The following UBE2Q2 variants were observed in gnomAD, a reference collection of about 807,000 sequenced individuals.
The protein encoded by UBE2Q2 is ubiquitin conjugating enzyme E2 Q2, also known as ubiquitin-conjugating enzyme E2 Q2.
A neutral mutation model predicts 59.9 loss-of-function variants in UBE2Q2; 54 were observed. That is an observed-to-expected ratio of 0.90 (90% CI 0.72 to 1.13). UBE2Q2 has a LOEUF of 1.13. UBE2Q2 is among the 50% of genes most tolerant of loss of function. The pLI, the probability that UBE2Q2 is intolerant of heterozygous loss-of-function variation, is 0.00. For synonymous variants in UBE2Q2, 165 were observed against 155.2 expected, an observed-to-expected ratio of 1.06 and a Z score of -0.47; for missense variants, 433 against 441.9, an observed-to-expected ratio of 0.98 and a Z score of 0.18.
Position 75,849,952 on chromosome 15 carries a change from A to G in UBE2Q2, c.181-4434A>G, listed in dbSNP as rs551348868. Reference sequence around the variant, plus strand: ...TTATTTTAAAGAGAAATAGTAGGCAAACTTATCTTTTCAAGATAGATATAA... The same window carrying G: ...TTATTTTAAAGAGAAATAGTAGGCAGACTTATCTTTTCAAGATAGATATAA... On this transcript the variant is annotated intron_variant, in intron 1 of 12. Transcript: ENST00000267938. 1.6e-4 allele frequency among the ~76,000 whole-genome samples: 25 copies of G among 152,358 alleles called. No individual in the cohort carries two copies. The South Asian group carries it at 4.8e-3, about 29-fold the overall frequency.
intron 8 of UBE2Q2, 33 bp from the exon 9 acceptor site, chr15:75,883,333 T>C (rs1403394520): frequency 3.8e-6 from 6 of 1,580,028 alleles, no homozygotes; most frequent in Non-Finnish European, 5.2e-6. Flanking sequence ...GGATGTTCTT[T>C]AAATTAATTA....
At chr15:75,899,290 AATAT>A (rs200041298) in intron 12 of UBE2Q2, 133 bp from the exon 13 acceptor site, 104 of 241,868 alleles carry the variant, frequency 4.3e-4, no homozygotes, top group African/African-American at 2.3e-3. Flanking sequence ...ATATATATAT[AATAT>A]ATATATATAT....
chr15:75,875,833 A>G (rs910951503), intron 5 of UBE2Q2, among the ~76,000 whole-genome samples: 7 of 151,992 alleles, frequency 4.6e-5, no homozygotes, highest in East Asian at 1.9e-4. Context: ...AGGCCGAGGC[A>G]GGCAGACCAC....
chr15:75,849,229 C>CA (rs1157936352), intron 1 of UBE2Q2, among the ~76,000 whole-genome samples: 5 of 152,152 alleles, frequency 3.3e-5, no homozygotes, highest in Non-Finnish European at 7.3e-5. Flanking sequence ...CTAATTCTGT[C>CA]AATTTACTTC....
intron 9 of UBE2Q2, among the ~76,000 whole-genome samples, chr15:75,887,385 G>T (rs1429407479): frequency 1.3e-5 from 2 of 152,100 alleles, no homozygotes; most frequent in Non-Finnish European, 2.9e-5. Context: ...GAAGGAAAAT[G>T]ATTTACATAG....
rs370925975 is a variant in UBE2Q2, at chr15:75,856,246, C to CGTGTGTGTGTGT, written c.282+1772_282+1783dup. On this transcript the variant is annotated intron_variant, in intron 2 of 12. Transcript: ENST00000267938. Reference sequence around the variant, plus strand: ...ACATGTATGTGTATATGTGTATATACGTGTGTGTGTGTGTGTGTGTGTGTA... The same window carrying CGTGTGTGTGTGT: ...ACATGTATGTGTATATGTGTATATACGTGTGTGTGTGTGTGTGTGTGTGTGTGTGTGTGTGTA... 6.2e-3 allele frequency among the ~76,000 whole-genome samples: 839 copies of CGTGTGTGTGTGT among 135,610 alleles called. 2 individuals carry two copies. The highest frequency in any genetic ancestry group is 9.6e-3 in the African/African-American group (330 of 34,392). The allele number at this position is 135,610 out of a possible 152,430, so 89.0% of individuals were successfully genotyped here. A position where few individuals can be genotyped will look rare whatever the true frequency, so the allele number is the denominator to read the frequency against.
At chr15:75,844,435 G>T (rs1327784189) in intron 1 of UBE2Q2, 9 of 1,551,468 alleles carry the variant, frequency 5.8e-6, no homozygotes, top group Non-Finnish European at 7.8e-6. Context: ...CCCGGGCCTG[G>T]CTGCGCGCTG....
chr15:75,886,513 G>A (rs1367355573), intron 9 of UBE2Q2, among the ~76,000 whole-genome samples: 1 of 151,968 alleles, frequency 6.6e-6, no homozygotes, highest in East Asian at 1.9e-4. Context: ...GTCATTTTTT[G>A]TTCAAAATCT....
At chr15:75,873,668 C>T in intron 5 of UBE2Q2, 100 bp downstream of exon 5, 9 of 1,322,772 alleles carry the variant, frequency 6.8e-6, no homozygotes, top group Non-Finnish European at 9.4e-6. Flanking sequence ...CTGCCCTCTT[C>T]CTCCATTTCT....
intron 12 of UBE2Q2, among the ~76,000 whole-genome samples, chr15:75,897,364 G>A (rs531615600): frequency 1.1e-4 from 17 of 151,494 alleles, no homozygotes; most frequent in Non-Finnish European, 2.1e-4. Context: ...TCAGCCTCCC[G>A]AGTAGCTGGG....
chr15:75,868,436 G>GGT (rs1234127027), intron 3 of UBE2Q2, among the ~76,000 whole-genome samples: 1 of 148,366 alleles, frequency 6.7e-6, no homozygotes, highest in African/African-American at 2.4e-5. Context: ...TTTTTAGTGA[G>GGT]GTGGTAATCA....
chr15:75,855,440 G>A (rs1379911322), intron 2 of UBE2Q2, among the ~76,000 whole-genome samples: 3 of 150,630 alleles, frequency 2.0e-5, no homozygotes, highest in Non-Finnish European at 4.4e-5. Flanking sequence ...GTGGTGAGCC[G>A]AGATCACGCT....
intron 3 of UBE2Q2, among the ~76,000 whole-genome samples, chr15:75,863,646 C>CT (rs573351886): frequency 0.015 from 2,015 of 135,528 alleles, 33 homozygotes; most frequent in African/African-American, 0.043. Flanking sequence ...CCTGGCCAGT[C>CT]TTTTTTTTTT....
At chr15:75,882,117 T>G (rs1430965861) in intron 8 of UBE2Q2, among the ~76,000 whole-genome samples, 1 of 152,154 alleles carries the variant, frequency 6.6e-6, no homozygotes, top group Non-Finnish European at 1.5e-5. Context: ...TACAAAGAGG[T>G]GATTTTCAAC....
At chr15:75,887,060 CT>C (rs1421480839) in intron 9 of UBE2Q2, among the ~76,000 whole-genome samples, 1 of 151,766 alleles carries the variant, frequency 6.6e-6, no homozygotes, top group African/African-American at 2.4e-5. Context: ...TTAATTGATT[CT>C]TTTTTGCCAC....
In UBE2Q2 at chr15:75,876,264, T is replaced by C. The variant is rs753532557; in HGVS notation, c.666T>C (p.Tyr222=). 1.4e-5 allele frequency: 22 copies of C among 1,613,106 alleles called. No homozygotes were observed. The highest frequency in any genetic ancestry group is 1.9e-5 in the Non-Finnish European group (22 of 1,179,396). ...GGGACATATACAGATCACAGAGTTA[T>C]AAAACAGGTAAGGATCTCTGGATCC... ...ELRDIYRSQS[Y]KTGIYSVELI... Residue 222 remains tyrosine (Y), a synonymous_variant, in exon 6 of 13, where the codon TAT becomes TAC. Transcript: ENST00000267938.
intron 5 of UBE2Q2, among the ~76,000 whole-genome samples, chr15:75,874,826 G>A (rs1258345273): frequency 6.6e-6 from 1 of 152,136 alleles, no homozygotes; most frequent in African/African-American, 2.4e-5. Context: ...TTGTGTTAGA[G>A]CTATTGACCA....
rs756670016 is a variant in UBE2Q2, at chr15:75,868,986, G to GGAA, written c.435_437dup (p.Glu146dup). On this transcript the variant is annotated inframe_insertion, in exon 4 of 13. Coordinates refer to ENST00000267938, the MANE Select transcript of UBE2Q2 (RefSeq NM_173469.4). ...CAGAAGAAGTGACTTCAGAAGAAGAGGAAGAAGAAGAAGAGATGGCTGAAG... is the reference window on the plus strand; with the variant it reads ...CAGAAGAAGTGACTTCAGAAGAAGAGGAAGAAGAAGAAGAAGAGATGGCTGAAG... 7.2e-5 allele frequency: 116 copies of GGAA among 1,612,410 alleles called. No individual in the cohort carries two copies. Among genetic ancestry groups the GGAA allele is most frequent in the Non-Finnish European group, 8.5e-5 (100 of 1,179,052 alleles).
chr15:75,870,168 A>G (rs1006867593), intron 4 of UBE2Q2, among the ~76,000 whole-genome samples: 1 of 152,124 alleles, frequency 6.6e-6, no homozygotes, highest in Admixed American at 6.6e-5. Flanking sequence ...CCTGGACTCA[A>G]GCAATCCTCA....
Sources: allele counts gnomAD v4.1 joint callset (sites outside exome capture counted in the v4.1 genomes callset), GRCh38; gene constraint gnomAD v4.1.1; transcripts MANE v1.5; gene names NCBI Gene and HGNC (gene_info 2026-07-23, HGNC 2026-07-21).